The following BICC1 variants were observed in gnomAD, a reference collection of about 807,000 sequenced individuals.
The protein encoded by BICC1 is BicC family RNA binding protein 1.
In BICC1, 43 loss-of-function variants were observed where a neutral mutation model predicts 111.0. That is an observed-to-expected ratio of 0.39 (90% CI 0.30 to 0.50). BICC1 has a LOEUF of 0.50. Ranked by LOEUF, BICC1 falls within the 20% of genes least tolerant of loss-of-function variation. BICC1 has a pLI of 0.88. For synonymous variants in BICC1, 467 were observed against 434.4 expected, an observed-to-expected ratio of 1.07 and a Z score of -0.93; for missense variants, 1,091 against 1,203.2, an observed-to-expected ratio of 0.91 and a Z score of 1.38.
chr10:58,683,816 G>T (rs2132375419), intron 2 of BICC1, among the ~76,000 whole-genome samples: 1 of 152,100 alleles, frequency 6.6e-6, no homozygotes, highest in South Asian at 2.1e-4. Flanking sequence ...CATGTCATCT[G>T]CAAACAGGGA....
At chr10:58,703,894 G>T (rs1347302060) in intron 3 of BICC1, among the ~76,000 whole-genome samples, 1 of 152,190 alleles carries the variant, frequency 6.6e-6, no homozygotes, top group African/African-American at 2.4e-5. Context: ...AACAATGCTA[G>T]ATAACTTTTT....
rs143559335 is a variant in BICC1, at chr10:58,798,485, T to C, written c.1453T>C (p.Leu485=). ...LNALNSSVSP[L]QSPSSGTPSP... ...TGCTCTTAATAGCTCAGTCAGTCCTTTGCAAAGTCCAAGTTCTGGTACACC... is the reference window on the plus strand; with the variant it reads ...TGCTCTTAATAGCTCAGTCAGTCCTCTGCAAAGTCCAAGTTCTGGTACACC... The change falls in exon 11 of 21, where the codon TTG becomes CTG. Residue 485 remains leucine, a synonymous_variant. Transcript: ENST00000373886. The C allele has an allele frequency of 2.5e-6, 4 of 1,613,420 alleles. No individual in the cohort carries two copies. Among genetic ancestry groups the C allele is most frequent in the Non-Finnish European group, 3.4e-6 (4 of 1,179,664 alleles).
At chr10:58,678,388 G>T (rs1295848948) in intron 2 of BICC1, among the ~76,000 whole-genome samples, 12 of 152,118 alleles carry the variant, frequency 7.9e-5, no homozygotes, top group Admixed American at 7.9e-4. Context: ...AAAAGCAGGG[G>T]TTGCAATTCT....
At chr10:58,581,032 A>C (rs1489075927) in intron 1 of BICC1, among the ~76,000 whole-genome samples, 1 of 152,160 alleles carries the variant, frequency 6.6e-6, no homozygotes, top group Non-Finnish European at 1.5e-5. Context: ...CTTACTAGAT[A>C]TGTCTAAGAA....
At chr10:58,649,777 A>AT (rs749896249) in intron 2 of BICC1, among the ~76,000 whole-genome samples, 1 of 152,088 alleles carries the variant, frequency 6.6e-6, no homozygotes, top group Non-Finnish European at 1.5e-5. Flanking sequence ...TTCTAGCAAC[A>AT]TGGGATTACA....
At chr10:58,696,690 G>A (rs1253926709) in intron 2 of BICC1, among the ~76,000 whole-genome samples, 1 of 152,188 alleles carries the variant, frequency 6.6e-6, no homozygotes, top group Non-Finnish European at 1.5e-5. Context: ...TTTTGTCAAT[G>A]AGGATGTCCG....
At chr10:58,629,984 G>T (rs915875389) in intron 2 of BICC1, among the ~76,000 whole-genome samples, 12 of 152,162 alleles carry the variant, frequency 7.9e-5, no homozygotes, top group Non-Finnish European at 1.5e-4. Context: ...GCATGAAAAA[G>T]GAGAGGAGAA....
At position 58,759,786 on chromosome 10, in the gene BICC1, C is replaced by T. The variant is rs144654862; in HGVS notation, c.308-25215C>T. On this transcript the variant is annotated intron_variant, in intron 3 of 20. Coordinates refer to ENST00000373886, the MANE Select transcript of BICC1 (RefSeq NM_001080512.3). ...CATCCTGGCTAACACGGTGAAACCC[C>T]GTCTCTACTAAAAACACAAAAAATT... Among the ~76,000 whole-genome samples the T allele has an allele frequency of 5.4e-3, 822 of 151,906 alleles. 14 individuals carry two copies. The highest frequency in any genetic ancestry group is 0.018 in the African/African-American group (760 of 41,460).
At chr10:58,548,732 A>T (rs1843207061) in intron 1 of BICC1, among the ~76,000 whole-genome samples, 1 of 152,166 alleles carries the variant, frequency 6.6e-6, no homozygotes, top group African/African-American at 2.4e-5. Context: ...TATAGTACAT[A>T]ATCTTTTCCT....
intron 1 of BICC1, among the ~76,000 whole-genome samples, chr10:58,522,366 C>T (rs192488923): frequency 3.3e-5 from 5 of 152,216 alleles, no homozygotes; most frequent in Non-Finnish European, 7.4e-5. Context: ...TCTCAGACCA[C>T]AGTGCAATCA....
At position 58,766,290 on chromosome 10, in the gene BICC1, G is replaced by A. The variant is rs73304887; in HGVS notation, c.308-18711G>A. Among the ~76,000 whole-genome samples, 421 of 152,234 alleles carry A rather than the reference G, an allele frequency of 2.8e-3. 1 individual carries two copies. Among genetic ancestry groups the A allele is most frequent in the African/African-American group, 9.7e-3 (402 of 41,528 alleles). ...GTGCCATGGGGTGGGGATGAAAAGG[G>A]GATGGCAGGGATACTGACTGGCAAA... is the stretch of plus-strand genomic sequence containing the variant. On this transcript the variant is annotated intron_variant, in intron 3 of 20. Coordinates refer to ENST00000373886, the MANE Select transcript of BICC1 (RefSeq NM_001080512.3).
chr10:58,763,403 A>G (rs1362044623), intron 3 of BICC1, among the ~76,000 whole-genome samples: 1 of 152,236 alleles, frequency 6.6e-6, no homozygotes, highest in African/African-American at 2.4e-5. Context: ...ATCCCAAAGA[A>G]CAAGTTAAAT....
intron 3 of BICC1, among the ~76,000 whole-genome samples, chr10:58,710,923 G>A (rs969881692): frequency 2.6e-5 from 4 of 151,936 alleles, no homozygotes; most frequent in South Asian, 2.1e-4. Context: ...ATCATAGCTC[G>A]GTGCAGCCTT....
chr10:58,535,955 G>A (rs1250233346), intron 1 of BICC1, among the ~76,000 whole-genome samples: 7 of 149,112 alleles, frequency 4.7e-5, no homozygotes, highest in Admixed American at 1.3e-4. Context: ...AGACATTAAG[G>A]CAACAATAGT....
chr10:58,614,949 A>G (rs1845550904), intron 1 of BICC1, among the ~76,000 whole-genome samples: 1 of 151,976 alleles, frequency 6.6e-6, no homozygotes. Flanking sequence ...ATGTGACTAG[A>G]TATTTTTTTG....
chr10:58,569,477 G>A (rs1002069907), intron 1 of BICC1, among the ~76,000 whole-genome samples: 8 of 152,110 alleles, frequency 5.3e-5, no homozygotes, highest in African/African-American at 9.7e-5. Flanking sequence ...ATGACATGGT[G>A]GTTCGCTGCA....
intron 1 of BICC1, among the ~76,000 whole-genome samples, chr10:58,543,203 G>A (rs1197290592): frequency 6.6e-6 from 1 of 152,070 alleles, no homozygotes; most frequent in Non-Finnish European, 1.5e-5. Context: ...AGGAAATCCT[G>A]TCATATGCTA....
intron 3 of BICC1, among the ~76,000 whole-genome samples, chr10:58,724,572 C>T (rs764670612): frequency 1.3e-5 from 2 of 152,200 alleles, no homozygotes; most frequent in Non-Finnish European, 2.9e-5. Context: ...GGACTATGTA[C>T]AGGATTCCTT....
intron 3 of BICC1, among the ~76,000 whole-genome samples, chr10:58,759,863 G>T (rs1445133928): frequency 1.3e-5 from 2 of 151,986 alleles, no homozygotes; most frequent in Non-Finnish European, 2.9e-5. Flanking sequence ...GGAGGCTGAG[G>T]CAGGGGAATG....
Sources: allele counts gnomAD v4.1 joint callset (sites outside exome capture counted in the v4.1 genomes callset), GRCh38; gene constraint gnomAD v4.1.1; transcripts MANE v1.5; gene names NCBI Gene and HGNC (gene_info 2026-07-23, HGNC 2026-07-21).